Variants in TMEM132D observed in about 807,000 individuals in gnomAD.
TMEM132D encodes mature OL transmembrane protein.
TMEM132D carries 21 observed loss-of-function variants against 62.3 expected under a neutral mutation model. The ratio of observed to expected loss-of-function variants is 0.34; its 90% CI spans 0.24 to 0.49. The LOEUF (loss-of-function observed/expected upper bound fraction) is 0.49. TMEM132D is among the 20% of genes least tolerant of loss of function. The pLI is 0.99. For synonymous variants in TMEM132D, 621 were observed against 575.6 expected, an observed-to-expected ratio of 1.08 and a Z score of -1.13; for missense variants, 1,346 against 1,402.8, an observed-to-expected ratio of 0.96 and a Z score of 0.65.
intron 5 of TMEM132D, among the ~76,000 whole-genome samples, chr12:129,108,244 C>G (rs1875567043): frequency 6.6e-6 from 1 of 152,140 alleles, no homozygotes; most frequent in South Asian, 2.1e-4. Flanking sequence ...CATCTTAGTC[C>G]ACAGAGGGCA....
intron 1 of TMEM132D, among the ~76,000 whole-genome samples, chr12:129,896,017 T>C (rs919340473): frequency 1.3e-5 from 2 of 148,526 alleles, no homozygotes; most frequent in African/African-American, 5.0e-5. Context: ...GTCACTCAGG[T>C]TAGAGTGTAT....
intron 5 of TMEM132D, among the ~76,000 whole-genome samples, chr12:129,089,870 C>T (rs1488681063): frequency 1.3e-5 from 2 of 152,254 alleles, no homozygotes; most frequent in Non-Finnish European, 2.9e-5. Context: ...AAGTGGGCGC[C>T]TGTGGCCTCC....
At chr12:129,841,638 A>C (rs1332910057) in intron 1 of TMEM132D, among the ~76,000 whole-genome samples, 1 of 152,174 alleles carries the variant, frequency 6.6e-6, no homozygotes, top group Admixed American at 6.5e-5. Context: ...TTTTTCTAAT[A>C]GGCAAAGTGA....
At chr12:129,578,865 G>T (rs1877761197) in intron 2 of TMEM132D, among the ~76,000 whole-genome samples, 2 of 152,244 alleles carry the variant, frequency 1.3e-5, no homozygotes, top group South Asian at 2.1e-4. Context: ...CCACTTTGCT[G>T]ACAGGAGATC....
chr12:129,252,875 G>C (rs1260008995), intron 4 of TMEM132D, among the ~76,000 whole-genome samples: 2 of 152,088 alleles, frequency 1.3e-5, no homozygotes, highest in South Asian at 2.1e-4. Context: ...AAAAGGATGA[G>C]TTCATGTCCT....
intron 1 of TMEM132D, among the ~76,000 whole-genome samples, chr12:129,763,432 C>CTTT (rs3046897): frequency 0.61 from 86,599 of 142,424 alleles, 27,008 homozygotes; most frequent in Middle Eastern, 0.74. Context: ...AGATTTCTGG[C>CTTT]TTTTTTTTTT....
At chr12:129,610,277 CAAA>C (rs34621276) in intron 2 of TMEM132D, among the ~76,000 whole-genome samples, 21 of 108,722 alleles carry the variant, frequency 1.9e-4, no homozygotes, top group Middle Eastern at 5.1e-3. Flanking sequence ...GGCTCTGTCT[CAAA>C]AAAAAAAAAA....
rs536617001 is a variant in TMEM132D, at chr12:129,616,229, T to C, written c.968+83581A>G. On this transcript the variant is annotated intron_variant, in intron 2 of 8. Transcript: ENST00000422113. ...TGAATTAAGTGAAAGTTGAAGAAGT[T>C]GCGGTAGCCTTCAGCCATTTCTGAT... is the stretch of plus-strand genomic sequence containing the variant. 2.1e-3 allele frequency among the ~76,000 whole-genome samples: 325 copies of C among 152,270 alleles called. 12 individuals carry two copies. In the South Asian group the frequency reaches 0.065, roughly 31 times the overall value.
chr12:129,835,240 G>A (rs183324273), intron 1 of TMEM132D, among the ~76,000 whole-genome samples: 227 of 152,246 alleles, frequency 1.5e-3, no homozygotes, highest in Non-Finnish European at 1.8e-3. Flanking sequence ...TCCTCAAACT[G>A]TTAGGTTAAC....
At chr12:129,208,346 C>A (rs1197892285) in intron 5 of TMEM132D, among the ~76,000 whole-genome samples, 1 of 152,138 alleles carries the variant, frequency 6.6e-6, no homozygotes, top group African/African-American at 2.4e-5. Flanking sequence ...TTGTCCTGTG[C>A]TGATGTGAAG....
At position 129,441,173 on chromosome 12, in the gene TMEM132D, T is replaced by C. The variant is rs555239300; in HGVS notation, c.1115+89886A>G. Among the ~76,000 whole-genome samples the C allele has an allele frequency of 9.2e-5, 14 of 152,324 alleles. No homozygotes were observed. The South Asian group carries it at 2.9e-3, about 32-fold the overall frequency. On this transcript the variant is annotated intron_variant, in intron 3 of 8. Coordinates refer to ENST00000422113, the MANE Select transcript of TMEM132D (RefSeq NM_133448.3). Reference sequence around the variant, plus strand: ...CACATACCTGTATATATGCAGCATTTCTGTAAAAACTTCCAAACAACCTCT... The same window carrying C: ...CACATACCTGTATATATGCAGCATTCCTGTAAAAACTTCCAAACAACCTCT...
chr12:129,374,371 T>C (rs749175075), intron 3 of TMEM132D, among the ~76,000 whole-genome samples: 2 of 152,082 alleles, frequency 1.3e-5, no homozygotes, highest in Non-Finnish European at 2.9e-5. Flanking sequence ...TAACCTTAAT[T>C]ACCTTAAAAC....
chr12:129,768,784 T>C (rs1870637560), intron 1 of TMEM132D, among the ~76,000 whole-genome samples: 1 of 152,168 alleles, frequency 6.6e-6, no homozygotes, highest in African/African-American at 2.4e-5. Context: ...TGCACTGCTG[T>C]TTACTCAAGC....
intron 2 of TMEM132D, among the ~76,000 whole-genome samples, chr12:129,649,829 T>A (rs1879877469): frequency 6.6e-6 from 1 of 151,794 alleles, no homozygotes; most frequent in African/African-American, 2.4e-5. Context: ...TATATGTGCG[T>A]ATGTGCATGT....
chr12:129,461,362 G>A (rs2135732637), intron 3 of TMEM132D, among the ~76,000 whole-genome samples: 1 of 152,246 alleles, frequency 6.6e-6, no homozygotes. Flanking sequence ...AAGAACAGGA[G>A]TAGAAATGTG....
intron 5 of TMEM132D, chr12:129,085,369 CA>C (rs1278787297): frequency 6.6e-6 from 1 of 152,200 alleles, no homozygotes; most frequent in African/African-American, 2.4e-5. Flanking sequence ...CGACGAGGCA[CA>C]GGGGTGGATT....
rs552470718 is a variant in TMEM132D, at chr12:129,348,957, G to A, written c.1116-11140C>T. ...TAACTTCCTTCTGGAATGCTTAGTC[G>A]GTTTTCACCCATTGTAATGGGCCTC... On this transcript the variant is annotated intron_variant, in intron 3 of 8. Coordinates refer to ENST00000422113, the MANE Select transcript of TMEM132D (RefSeq NM_133448.3). Among the ~76,000 whole-genome samples, 27 of 152,260 alleles carry A rather than the reference G, an allele frequency of 1.8e-4. No individual in the cohort carries two copies. The South Asian group carries it at 3.9e-3, about 22-fold the overall frequency.
intron 1 of TMEM132D, among the ~76,000 whole-genome samples, chr12:129,802,582 T>A: frequency 2.2e-5 from 2 of 92,446 alleles, no homozygotes; most frequent in East Asian, 2.9e-4. Context: ...CGCTGCAAAA[T>A]CATGCCAAAA....
At chr12:129,759,175 C>T (rs1230550152) in intron 1 of TMEM132D, among the ~76,000 whole-genome samples, 1 of 152,098 alleles carries the variant, frequency 6.6e-6, no homozygotes, top group African/African-American at 2.4e-5. Context: ...CTCAGGTGAT[C>T]CACCTACCTC....
Sources: allele counts gnomAD v4.1 joint callset (sites outside exome capture counted in the v4.1 genomes callset), GRCh38; gene constraint gnomAD v4.1.1; transcripts MANE v1.5; gene names NCBI Gene and HGNC (gene_info 2026-07-23, HGNC 2026-07-21).